AGPAT3: variants seen among roughly 807,000 people sequenced by gnomAD.
AGPAT3 encodes the protein 1-acylglycerol-3-phosphate O-acyltransferase 3.
In AGPAT3, 5 loss-of-function variants were observed where a neutral mutation model predicts 47.3. The observed-to-expected ratio is 0.11, with a 90% CI of 0.06 to 0.22. The LOEUF is 0.22. Among genes scored for constraint, AGPAT3 ranks in the 10% least tolerant of loss-of-function variants. AGPAT3 has a pLI of 1.00. For synonymous variants in AGPAT3, 212 were observed against 208.3 expected, an observed-to-expected ratio of 1.02 and a Z score of -0.15; for missense variants, 315 against 493.0, an observed-to-expected ratio of 0.64 and a Z score of 3.42.
Position 43,880,286 on chromosome 21 carries a change from C to T in AGPAT3, c.-112+14941C>T, listed in dbSNP as rs1162227632. On this transcript the variant is annotated intron_variant, in intron 1 of 9. Coordinates refer to ENST00000291572, the MANE Select transcript of AGPAT3 (RefSeq NM_020132.5). This position sits in a 1 kb window ranked among gnomAD's most constrained non-coding sequence, Gnocchi z 4.5. ...GCAGCAACTGTTGTCCCCTAGAGCC[C>T]GAGATCTGGGAGCGGCAGGGGCAGC... 2.0e-5 allele frequency among the ~76,000 whole-genome samples: 3 copies of T among 152,208 alleles called. No homozygotes were observed. The highest frequency in any genetic ancestry group is 4.8e-5 in the African/African-American group (2 of 41,452).
chr21:43,965,135 GC>G (rs1411259098), intron 3 of AGPAT3: 1 of 152,474 alleles, frequency 6.6e-6, no homozygotes, highest in East Asian at 1.9e-4. Context: ...TTGCCATGTT[GC>G]CCAGACTGGT....
Position 43,905,577 on chromosome 21 carries a change from C to T in AGPAT3, c.-49+1558C>T, listed in dbSNP as rs370707120. Among the ~76,000 whole-genome samples the T allele has an allele frequency of 2.7e-4, 41 of 152,374 alleles. No homozygotes were observed. The East Asian group carries it at 5.8e-3, about 21-fold the overall frequency. On this transcript the variant is annotated intron_variant, in intron 2 of 9. Transcript: ENST00000291572. ...TAACGATACTATAAAGACACAGTGG[C>T]AGCTCCCAGCTAACTGGCACTCTGA...
Position 43,952,603 on chromosome 21 carries a change from C to T in AGPAT3, c.-48-7031C>T, listed in dbSNP as rs974564237. 5.9e-5 allele frequency among the ~76,000 whole-genome samples: 9 copies of T among 152,194 alleles called. No individual in the cohort carries two copies. Among genetic ancestry groups the T allele is most frequent in the Non-Finnish European group, 1.0e-4 (7 of 68,026 alleles). ...GACAAAACCCAAGAAGCAGCCATCA[C>T]GCCCCAGGACCAAGATGTGCTGGCG... On this transcript the variant is annotated intron_variant, in intron 2 of 9. Transcript: ENST00000291572. The surrounding 1 kb of genome is among the most constrained non-coding windows in gnomAD (Gnocchi z 5.6).
chr21:43,936,899 C>T (rs2146330064), intron 2 of AGPAT3, among the ~76,000 whole-genome samples: 1 of 152,352 alleles, frequency 6.6e-6, no homozygotes, highest in East Asian at 1.9e-4. Context: ...TTGTTAAAAT[C>T]TTCAAGATGT....
intron 7 of AGPAT3, among the ~76,000 whole-genome samples, chr21:43,974,908 A>G (rs2089547770): frequency 6.6e-6 from 1 of 152,186 alleles, no homozygotes; most frequent in East Asian, 1.9e-4. Context: ...GCCAATGTGA[A>G]GCTGCTTTTA....
intron 7 of AGPAT3, among the ~76,000 whole-genome samples, chr21:43,974,047 T>A (rs1045602072): frequency 6.6e-6 from 1 of 152,182 alleles, no homozygotes; most frequent in Non-Finnish European, 1.5e-5. Flanking sequence ...AAAACCTGTA[T>A]GTGGGGCATG....
rs898165340 is a variant in AGPAT3, at chr21:43,933,819, G to A, written c.-48-25815G>A. Among the ~76,000 whole-genome samples the A allele has an allele frequency of 2.0e-5, 3 of 152,018 alleles. No individual in the cohort carries two copies. Among genetic ancestry groups the A allele is most frequent in the Admixed American group, 2.0e-4 (3 of 15,260 alleles). ...GCACCAGCTGCAAGAGCCAGAGGAC[G>A]GCACTCCCGCGCCTGCCACGAGCCT... On this transcript the variant is annotated intron_variant, in intron 2 of 9. Transcript: ENST00000291572. The surrounding 1 kb of genome is among the most constrained non-coding windows in gnomAD (Gnocchi z 6.0).
intron 2 of AGPAT3, among the ~76,000 whole-genome samples, chr21:43,913,919 T>A (rs2146115101): frequency 6.6e-6 from 1 of 152,348 alleles, no homozygotes; most frequent in South Asian, 2.1e-4. Flanking sequence ...AATAATTCAT[T>A]TCAAAGTCCA....
chr21:43,969,424 C>G (rs1477203018), intron 5 of AGPAT3, 145 bp downstream of exon 5: 3 of 1,071,080 alleles, frequency 2.8e-6, no homozygotes, highest in Admixed American at 2.6e-5. Context: ...CATGACTCCC[C>G]CATCTGAGCT....
chr21:43,871,281 T>C (rs1166670096), intron 1 of AGPAT3, among the ~76,000 whole-genome samples: 1 of 152,200 alleles, frequency 6.6e-6, no homozygotes, highest in Non-Finnish European at 1.5e-5. Context: ...GTCTCAGGGA[T>C]GGCTGCTGGA....
In AGPAT3 at chr21:43,880,105, C is replaced by A. The variant is rs2085824984; in HGVS notation, c.-112+14760C>A. Among the ~76,000 whole-genome samples, 1 of 152,224 alleles carries A rather than the reference C, an allele frequency of 6.6e-6. No individual in the cohort carries two copies. Among genetic ancestry groups the A allele is most frequent in the Non-Finnish European group, 1.5e-5 (1 of 68,044 alleles). ...GCATCTTAGGAGCACTGTGGAAACT[C>A]AGGGTGTGGACTTGAGCTTCGACAT... On this transcript the variant is annotated intron_variant, in intron 1 of 9. Coordinates refer to ENST00000291572, the MANE Select transcript of AGPAT3 (RefSeq NM_020132.5). This position sits in a 1 kb window ranked among gnomAD's most constrained non-coding sequence, Gnocchi z 4.5.
intron 2 of AGPAT3, among the ~76,000 whole-genome samples, chr21:43,918,629 C>G (rs966871462): frequency 6.7e-6 from 1 of 150,350 alleles, no homozygotes; most frequent in Non-Finnish European, 1.5e-5. Flanking sequence ...CTCTGCCACC[C>G]AGGCTGAAGT....
At chr21:43,882,031 C>T (rs1270790697) in intron 1 of AGPAT3, among the ~76,000 whole-genome samples, 3 of 152,254 alleles carry the variant, frequency 2.0e-5, no homozygotes, top group Non-Finnish European at 2.9e-5. Flanking sequence ...TGCACACAGG[C>T]CGGCATTTGC....
chr21:43,969,995 G>A (rs959861266), intron 5 of AGPAT3, among the ~76,000 whole-genome samples: 1 of 149,920 alleles, frequency 6.7e-6, no homozygotes, highest in African/African-American at 2.5e-5. Context: ...CAGCTTGCCA[G>A]CCTGCTGTTA....
rs189006584 is a variant in AGPAT3, at chr21:43,971,670, A to G, written c.767+180A>G. Reference sequence around the variant, plus strand: ...TGAGCAGACACAGGAGAGGCCCTGCAGGACTCGTCCGGGGCTTGGGTTGCA... The same window carrying G: ...TGAGCAGACACAGGAGAGGCCCTGCGGGACTCGTCCGGGGCTTGGGTTGCA... On this transcript the variant is annotated intron_variant, in intron 7 of 9. Transcript: ENST00000291572. 6.5e-3 allele frequency among the ~76,000 whole-genome samples: 995 copies of G among 152,310 alleles called. 53 individuals are homozygous for G. The highest frequency in any genetic ancestry group is 0.055 in the Admixed American group (844 of 15,308).
At chr21:43,869,575 G>A (rs1004686453) in intron 1 of AGPAT3, among the ~76,000 whole-genome samples, 2 of 152,316 alleles carry the variant, frequency 1.3e-5, no homozygotes, top group Middle Eastern at 3.4e-3. Context: ...AGAGGATGGT[G>A]GGGGAGCACC....
chr21:43,983,800 T>C lies in AGPAT3; in HGVS notation c.*1408T>C, dbSNP rs1426305258. 6.6e-6 allele frequency: 1 copy of C among 152,238 alleles called. No homozygotes were observed. The highest frequency in any genetic ancestry group is 1.5e-5 in the Non-Finnish European group (1 of 68,030). The allele number at this position is 152,238 out of a possible 1,614,324, so 9.4% of individuals were successfully genotyped here. ...CTTGTTCTAAGTCACAGCGCCCTCATCTTTTTAGCAAGGTAAAAAAACCAA... is the reference window on the plus strand; with the variant it reads ...CTTGTTCTAAGTCACAGCGCCCTCACCTTTTTAGCAAGGTAAAAAAACCAA... On this transcript the variant is annotated 3_prime_UTR_variant, in exon 10 of 10. Transcript: ENST00000291572.
At chr21:43,927,598 C>G (rs868023502) in intron 2 of AGPAT3, among the ~76,000 whole-genome samples, 4 of 152,382 alleles carry the variant, frequency 2.6e-5, no homozygotes, top group Middle Eastern at 3.4e-3. Context: ...GTGTTCTCAG[C>G]TGATGGGAAA....
rs1033734511 is a variant in AGPAT3 at position 43,986,682 on chromosome 21, C to T, written c.*4290C>T. On this transcript the variant is annotated 3_prime_UTR_variant, in exon 10 of 10. Transcript: ENST00000291572. ...GTACTGTAACTGTAAAGGAAAATCT[C>T]TCTCTCTGGAGAACCCACACAAACC... is the stretch of plus-strand genomic sequence containing the variant. 6.6e-6 allele frequency: 1 copy of T among 152,608 alleles called. No homozygotes were observed. The highest frequency in any genetic ancestry group is 1.9e-4 in the East Asian group (1 of 5,206). 9.5% of individuals were successfully genotyped at this position (152,608 alleles called of 1,614,324 possible).
Sources: allele counts gnomAD v4.1 joint callset (sites outside exome capture counted in the v4.1 genomes callset), GRCh38; gene constraint gnomAD v4.1.1; non-coding constraint Gnocchi (gnomAD v3.1); transcripts MANE v1.5; gene names NCBI Gene and HGNC (gene_info 2026-07-23, HGNC 2026-07-21).